CAMK4: variants seen among roughly 807,000 people sequenced by gnomAD.
CAMK4 encodes calcium/calmodulin-dependent protein kinase type IV.
Under a neutral mutation model 44.9 loss-of-function variants are expected in CAMK4, and 22 were observed. The ratio of observed to expected loss-of-function variants is 0.49; its 90% confidence interval spans 0.35 to 0.70. The LOEUF is 0.70. Among genes scored for constraint, CAMK4 ranks in the 30% least tolerant of loss-of-function variants. The probability of loss-of-function intolerance (pLI) is 0.01; values close to 1 mark genes in which losing one functional copy is unlikely to be tolerated. For missense variants in CAMK4, 498 were observed against 586.8 expected, an observed-to-expected ratio of 0.85 and a Z score of 1.56; for synonymous variants, 218 against 215.4, an observed-to-expected ratio of 1.01 and a Z score of -0.11.
At chr5:111,440,332 G>T (rs929769805) in intron 5 of CAMK4, among the ~76,000 whole-genome samples, 2 of 152,130 alleles carry the variant, frequency 1.3e-5, no homozygotes, top group African/African-American at 2.4e-5. Context: ...AAAGTAACAG[G>T]ACTGGAAGTG....
intron 1 of CAMK4, among the ~76,000 whole-genome samples, chr5:111,244,367 A>G (rs1403383734): frequency 2.0e-5 from 3 of 152,170 alleles, no homozygotes; most frequent in Non-Finnish European, 4.4e-5. Context: ...CCCATTTTGG[A>G]GAGTGTTCAC....
At chr5:111,264,385 G>A (rs1750135674) in intron 1 of CAMK4, among the ~76,000 whole-genome samples, 1 of 152,156 alleles carries the variant, frequency 6.6e-6, no homozygotes, top group Non-Finnish European at 1.5e-5. Flanking sequence ...GGACCTAGTA[G>A]TTTCCCAACG....
intron 1 of CAMK4, among the ~76,000 whole-genome samples, chr5:111,291,801 G>A (rs756374771): frequency 7.2e-5 from 11 of 152,244 alleles, no homozygotes; most frequent in South Asian, 2.1e-4. Context: ...GTGAGCCAGC[G>A]CACCTGGCCT....
intron 5 of CAMK4, among the ~76,000 whole-genome samples, chr5:111,399,276 C>A (rs1752136522): frequency 6.6e-6 from 1 of 152,220 alleles, no homozygotes; most frequent in Admixed American, 6.5e-5. Flanking sequence ...CTCTTCATGT[C>A]TTTCTATGGC....
chr5:111,260,117 T>C (rs1749913023), intron 1 of CAMK4, among the ~76,000 whole-genome samples: 1 of 152,206 alleles, frequency 6.6e-6, no homozygotes, highest in Non-Finnish European at 1.5e-5. Flanking sequence ...CCCTTGATGA[T>C]TCACATTCCT....
At chr5:111,321,933 C>T (rs1748680138) in intron 1 of CAMK4, among the ~76,000 whole-genome samples, 1 of 152,040 alleles carries the variant, frequency 6.6e-6, no homozygotes, top group African/African-American at 2.4e-5. Context: ...AAAGAATAAA[C>T]ATATTATTTT....
chr5:111,342,193 T>C (rs1749674989), intron 1 of CAMK4, among the ~76,000 whole-genome samples: 1 of 151,420 alleles, frequency 6.6e-6, no homozygotes, highest in Non-Finnish European at 1.5e-5. Context: ...TGTCTGCTTT[T>C]GCTATCAAGT....
rs546103384 is a variant in CAMK4 at position 111,310,588 on chromosome 5, G to A, written c.162-33436G>A. On this transcript the variant is annotated intron_variant, in intron 1 of 10. Coordinates refer to ENST00000282356, the MANE Select transcript of CAMK4 (RefSeq NM_001744.6). ...GAAGATGGCTCAGAGGGGTATATAT[G>A]TAAATACTAAGCCTGGCACTTAGTA... 4.6e-5 allele frequency among the ~76,000 whole-genome samples: 7 copies of A among 152,262 alleles called. No homozygotes were observed. The South Asian group carries it at 1.2e-3, about 27-fold the overall frequency.
intron 1 of CAMK4, among the ~76,000 whole-genome samples, chr5:111,258,653 T>G (rs1318763354): frequency 6.6e-6 from 1 of 151,664 alleles, no homozygotes; most frequent in Non-Finnish European, 1.5e-5. Context: ...CCACAACACA[T>G]GGGAATTCTG....
At chr5:111,235,586 G>A (rs116152239) in intron 1 of CAMK4, among the ~76,000 whole-genome samples, 234 of 152,276 alleles carry the variant, frequency 1.5e-3, no homozygotes, top group African/African-American at 4.7e-3. Flanking sequence ...AACTAAGAAC[G>A]TAATAAACAG....
intron 2 of CAMK4, among the ~76,000 whole-genome samples, chr5:111,358,812 A>G (rs1750481058): frequency 6.6e-6 from 1 of 152,034 alleles, no homozygotes; most frequent in Non-Finnish European, 1.5e-5. Flanking sequence ...AAGTGAGAAC[A>G]TGCGGTATTT....
chr5:111,369,065 A>ATT (rs1561444212), intron 2 of CAMK4, among the ~76,000 whole-genome samples: 17 of 148,674 alleles, frequency 1.1e-4, no homozygotes, highest in African/African-American at 4.2e-4. Flanking sequence ...TAATAATAAT[A>ATT]ATTATTATTA....
intron 7 of CAMK4, among the ~76,000 whole-genome samples, chr5:111,456,332 A>G (rs919413619): frequency 6.6e-6 from 1 of 152,048 alleles, no homozygotes; most frequent in African/African-American, 2.4e-5. Flanking sequence ...TCTTCTAAAA[A>G]TACAAAAAAT....
rs1312384664 is a variant in CAMK4 at position 111,224,406 on chromosome 5, G to A, written c.-78G>A. 17 of 1,479,814 alleles carry A rather than the reference G, an allele frequency of 1.1e-5. 1 individual carries two copies. In the South Asian group the frequency reaches 1.7e-4, roughly 15 times the overall value. 91.7% of individuals were successfully genotyped at this position (1,479,814 alleles called of 1,614,324 possible). ...CCTCTCTCTCGCTCCTGCGTTCGCA[G>A]GCGGCGGCTGGCGGCCGGCTTCTCG... On this transcript the variant is annotated 5_prime_UTR_variant, in exon 1 of 11. Transcript: ENST00000282356. The surrounding 1 kb of genome is among the most constrained non-coding windows in gnomAD (Gnocchi z 5.7).
chr5:111,345,839 G>A (rs1749841552), intron 2 of CAMK4, among the ~76,000 whole-genome samples: 1 of 151,956 alleles, frequency 6.6e-6, no homozygotes, highest in South Asian at 2.1e-4. Context: ...TCTTCTCGCT[G>A]TTGTGAAAAC....
At chr5:111,423,764 T>C (rs552916821) in intron 5 of CAMK4, among the ~76,000 whole-genome samples, 1 of 152,306 alleles carries the variant, frequency 6.6e-6, no homozygotes, top group African/African-American at 2.4e-5. Context: ...TGCTCTATTC[T>C]TCTTGGAATA....
intron 5 of CAMK4, among the ~76,000 whole-genome samples, chr5:111,400,244 T>TA (rs1302740961): frequency 6.6e-6 from 1 of 152,162 alleles, no homozygotes; most frequent in Non-Finnish European, 1.5e-5. Context: ...AATTAAGGGT[T>TA]AACTTAAAGA....
At chr5:111,399,673 G>A (rs1414561310) in intron 5 of CAMK4, among the ~76,000 whole-genome samples, 4 of 152,096 alleles carry the variant, frequency 2.6e-5, no homozygotes, top group African/African-American at 9.7e-5. Context: ...CATCTTTACT[G>A]TTATTTTTCT....
At chr5:111,260,333 T>G (rs1749921190) in intron 1 of CAMK4, among the ~76,000 whole-genome samples, 1 of 152,198 alleles carries the variant, frequency 6.6e-6, no homozygotes. Flanking sequence ...GTCTTCATTA[T>G]ACAAACCTTC....
Sources: gnomAD v4.1 joint callset for allele counts (sites outside exome capture counted in the v4.1 genomes callset) on GRCh38, gnomAD v4.1.1 for gene constraint, Gnocchi (gnomAD v3.1) non-coding constraint, MANE v1.5 for transcripts, NCBI Gene and HGNC (gene_info 2026-07-23, HGNC 2026-07-21) for gene names.